TMEM132D: variants seen among roughly 807,000 people sequenced by gnomAD.
The protein encoded by TMEM132D is transmembrane protein 132D, also known as mature OL transmembrane protein.
In TMEM132D, 21 loss-of-function variants were observed where a neutral mutation model predicts 62.3. The ratio of observed to expected loss-of-function variants is 0.34; its 90% CI spans 0.24 to 0.49. The LOEUF (loss-of-function observed/expected upper bound fraction) is 0.49. TMEM132D is among the 20% of genes least tolerant of loss of function. The pLI, the probability that TMEM132D is intolerant of heterozygous loss-of-function variation, is 0.99. For missense variants in TMEM132D, 1,346 were observed against 1,402.8 expected (o/e 0.96, Z 0.65); for synonymous variants, 621 against 575.6 (o/e 1.08, Z -1.13).
At chr12:129,159,870 G>A (rs1358672512) in intron 5 of TMEM132D, among the ~76,000 whole-genome samples, 1 of 152,026 alleles carries the variant, frequency 6.6e-6, no homozygotes, top group Non-Finnish European at 1.5e-5. Flanking sequence ...CCACTGTGAT[G>A]ACAGGGGAGA....
At chr12:129,871,047 C>G (rs1874224363) in intron 1 of TMEM132D, among the ~76,000 whole-genome samples, 1 of 152,144 alleles carries the variant, frequency 6.6e-6, no homozygotes, top group South Asian at 2.1e-4. Context: ...CCCAGAAATC[C>G]TGGTCCTGTG....
chr12:129,233,769 G>T (rs1879709320), intron 4 of TMEM132D, among the ~76,000 whole-genome samples: 2 of 152,050 alleles, frequency 1.3e-5, no homozygotes, highest in South Asian at 4.2e-4. Context: ...TGGGACTACA[G>T]GCACCTGCCA....
intron 1 of TMEM132D, among the ~76,000 whole-genome samples, chr12:129,898,733 C>T (rs1593203610): frequency 6.6e-6 from 1 of 152,356 alleles, no homozygotes; most frequent in East Asian, 1.9e-4. Context: ...CCTATCTCTC[C>T]TACAAATGGC....
intron 1 of TMEM132D, among the ~76,000 whole-genome samples, chr12:129,714,241 C>T (rs1269490897): frequency 6.6e-6 from 1 of 152,258 alleles, no homozygotes; most frequent in East Asian, 1.9e-4. Context: ...CAGAGCAGCA[C>T]TCCATGACCA....
chr12:129,134,188 CTG>C (rs1052586489), intron 5 of TMEM132D, among the ~76,000 whole-genome samples: 5 of 144,652 alleles, frequency 3.5e-5, no homozygotes, highest in African/African-American at 1.0e-4. Flanking sequence ...GTCTGTGTGT[CTG>C]TGTGTGTGTC....
intron 5 of TMEM132D, among the ~76,000 whole-genome samples, chr12:129,160,664 TAA>T (rs1238764424): frequency 1.3e-5 from 2 of 152,218 alleles, no homozygotes; most frequent in African/African-American, 4.8e-5. Context: ...CCCTCATGTT[TAA>T]GTTTTCTGAC....
chr12:129,887,558 TCCTAC>T (rs1296507074), intron 1 of TMEM132D, among the ~76,000 whole-genome samples: 2 of 152,182 alleles, frequency 1.3e-5, no homozygotes, highest in African/African-American at 2.4e-5. Flanking sequence ...GAAGTTCGGT[TCCTAC>T]CCTTTTGATT....
chr12:129,314,695 G>T (rs958618258), intron 4 of TMEM132D, among the ~76,000 whole-genome samples: 1 of 152,108 alleles, frequency 6.6e-6, no homozygotes, highest in Non-Finnish European at 1.5e-5. Flanking sequence ...CATTGAATTT[G>T]TAGATTGCTT....
intron 1 of TMEM132D, among the ~76,000 whole-genome samples, chr12:129,895,590 A>T (rs1875081041): frequency 6.6e-6 from 1 of 152,232 alleles, no homozygotes; most frequent in African/African-American, 2.4e-5. Context: ...AGATTCTGCT[A>T]TTTGAGCCAT....
At chr12:129,683,058 C>T (rs1177752281) in intron 2 of TMEM132D, 2 of 151,638 alleles carry the variant, frequency 1.3e-5, no homozygotes, top group African/African-American at 2.4e-5. Context: ...ATCCCCAGCA[C>T]CAAGCTTAAT....
At chr12:129,128,422 C>G (rs928018772) in intron 5 of TMEM132D, among the ~76,000 whole-genome samples, 1 of 152,124 alleles carries the variant, frequency 6.6e-6, no homozygotes, top group Non-Finnish European at 1.5e-5. Flanking sequence ...GCATCTTACA[C>G]GGTGGCAGGA....
intron 3 of TMEM132D, among the ~76,000 whole-genome samples, chr12:129,511,466 C>T (rs752857972): frequency 6.6e-6 from 1 of 152,204 alleles, no homozygotes; most frequent in African/African-American, 2.4e-5. Context: ...GAAACAACTA[C>T]TATGAATGTG....
At chr12:129,763,944 G>A (rs1870467279) in intron 1 of TMEM132D, among the ~76,000 whole-genome samples, 1 of 152,178 alleles carries the variant, frequency 6.6e-6, no homozygotes, top group African/African-American at 2.4e-5. Flanking sequence ...CCAAGGATAC[G>A]CAGAGCCTCT....
At chr12:129,151,045 G>A (rs1204495317) in intron 5 of TMEM132D, among the ~76,000 whole-genome samples, 1 of 152,122 alleles carries the variant, frequency 6.6e-6, no homozygotes, top group Non-Finnish European at 1.5e-5. Context: ...CATGGATGTG[G>A]TCACGTCACT....
At chr12:129,556,213 C>T (rs1472395941) in intron 2 of TMEM132D, among the ~76,000 whole-genome samples, 1 of 152,160 alleles carries the variant, frequency 6.6e-6, no homozygotes, top group Non-Finnish European at 1.5e-5. Flanking sequence ...CTGTTTCATT[C>T]TCTAACACAA....
intron 1 of TMEM132D, among the ~76,000 whole-genome samples, chr12:129,706,704 C>G (rs944935621): frequency 2.0e-5 from 3 of 151,600 alleles, no homozygotes; most frequent in Non-Finnish European, 3.0e-5. Flanking sequence ...ATATATAAGG[C>G]TACAAGGAGA....
intron 5 of TMEM132D, chr12:129,113,406 CTT>C (rs1204539321): frequency 1.3e-5 from 2 of 152,188 alleles, no homozygotes; most frequent in African/African-American, 4.8e-5. Context: ...TTCACTCACT[CTT>C]TTAATAAAAA....
At chr12:129,317,997 G>GT (rs1009417850) in intron 4 of TMEM132D, among the ~76,000 whole-genome samples, 3 of 151,758 alleles carry the variant, frequency 2.0e-5, no homozygotes, top group African/African-American at 7.3e-5. Context: ...GAATTTTTTT[G>GT]TTTTTTTCTT....
intron 2 of TMEM132D, among the ~76,000 whole-genome samples, chr12:129,687,899 C>T (rs1207975865): frequency 6.6e-6 from 1 of 152,140 alleles, no homozygotes; most frequent in Non-Finnish European, 1.5e-5. Context: ...CATGAAACCA[C>T]AGAAAACAGA....
Sources: allele counts gnomAD v4.1 joint callset (sites outside exome capture counted in the v4.1 genomes callset), GRCh38; gene constraint gnomAD v4.1.1; transcripts MANE v1.5; gene names NCBI Gene and HGNC (gene_info 2026-07-23, HGNC 2026-07-21).